RAB2A: variants seen among roughly 807,000 people sequenced by gnomAD.
RAB2A encodes the protein ras-related protein Rab-2A.
Under a neutral mutation model 32.5 loss-of-function variants are expected in RAB2A, and 7 were observed. That is an observed-to-expected ratio of 0.22 (90% CI 0.12 to 0.40). The LOEUF (loss-of-function observed/expected upper bound fraction) is 0.40, where lower values mean the gene tolerates loss of function less well. Among genes scored for constraint, RAB2A ranks in the 10% least tolerant of loss-of-function variants. The pLI is 1.00. For missense variants in RAB2A, 108 were observed against 260.7 expected (o/e 0.41, Z 4.03); for synonymous variants, 79 against 85.2 (o/e 0.93, Z 0.40).
chr8:60,557,775 T>C (rs946824676), intron 1 of RAB2A, among the ~76,000 whole-genome samples: 2 of 151,988 alleles, frequency 1.3e-5, no homozygotes, highest in African/African-American at 4.8e-5. Context: ...TCTCCCTATG[T>C]TGCCCAGGCT....
At chr8:60,557,705 A>G (rs765510630) in intron 1 of RAB2A, among the ~76,000 whole-genome samples, 5 of 151,114 alleles carry the variant, frequency 3.3e-5, no homozygotes, top group Non-Finnish European at 5.9e-5. Flanking sequence ...AACTGGAACT[A>G]CAGATGCGCA....
chr8:60,561,140 G>C (rs908877618), intron 2 of RAB2A, among the ~76,000 whole-genome samples: 1 of 152,180 alleles, frequency 6.6e-6, no homozygotes, highest in African/African-American at 2.4e-5. Flanking sequence ...CCTAGGGGTG[G>C]TAGCAGCTTC....
chr8:60,519,269 A>T (rs1015732560), intron 1 of RAB2A, among the ~76,000 whole-genome samples: 2 of 152,208 alleles, frequency 1.3e-5, no homozygotes, highest in African/African-American at 4.8e-5. Flanking sequence ...CACAATTTTT[A>T]GTTTGACCTT....
chr8:60,559,060 C>A, intron 2 of RAB2A, 137 bp downstream of exon 2: 1 of 613,770 alleles, frequency 1.6e-6, no homozygotes, highest in Non-Finnish European at 2.8e-6. Flanking sequence ...TAATCTCTGT[C>A]ACTTTTTTAA....
rs80120569 is a variant in RAB2A at position 60,604,072 on chromosome 8, C to T, written c.474+12103C>T. Among the ~76,000 whole-genome samples, 316 of 152,252 alleles carry T rather than the reference C, an allele frequency of 2.1e-3. 6 individuals are homozygous for T. In the East Asian group the frequency reaches 0.043, roughly 21 times the overall value. ...TTCTTATGAGTGGTTTAACACCATA[C>T]CGCTTGGTGCAGTTCTTGTGATAGT... On this transcript the variant is annotated intron_variant, in intron 6 of 7. Coordinates refer to ENST00000262646, the MANE Select transcript of RAB2A (RefSeq NM_002865.3).
In RAB2A at chr8:60,517,659, T is replaced by C. The variant is rs116934022; in HGVS notation, c.46+406T>C. ...GGGAAACCTAGGGGAGCAGAAGGTGTTGGGGCCCGGGTCTTGGTTCCTGAC... is the reference window on the plus strand; with the variant it reads ...GGGAAACCTAGGGGAGCAGAAGGTGCTGGGGCCCGGGTCTTGGTTCCTGAC... On this transcript the variant is annotated intron_variant, in intron 1 of 7. Transcript: ENST00000262646. Among the ~76,000 whole-genome samples, 788 of 152,210 alleles carry C rather than the reference T, an allele frequency of 5.2e-3. 16 individuals carry two copies. The South Asian group carries it at 0.059, about 11-fold the overall frequency.
At chr8:60,524,181 C>T (rs1289787622) in intron 1 of RAB2A, among the ~76,000 whole-genome samples, 2 of 152,142 alleles carry the variant, frequency 1.3e-5, no homozygotes, top group Non-Finnish European at 2.9e-5. Flanking sequence ...GGTGTTCTGT[C>T]CTTTCTGTCC....
intron 6 of RAB2A, among the ~76,000 whole-genome samples, chr8:60,592,346 C>T (rs1803956358): frequency 6.6e-6 from 1 of 152,046 alleles, no homozygotes; most frequent in African/African-American, 2.4e-5. Context: ...TCTCTGGGAA[C>T]CCACTGTACT....
intron 6 of RAB2A, among the ~76,000 whole-genome samples, chr8:60,611,861 CA>C (rs1804354148): frequency 6.6e-6 from 1 of 152,132 alleles, no homozygotes; most frequent in African/African-American, 2.4e-5. Context: ...TAAAATGCTG[CA>C]ATATTTATGA....
upstream of RAB2A, chr8:60,516,957 A>AGGCGGGGCGGAGGCGCCGC (rs1807212552): frequency 5.2e-6 from 2 of 383,750 alleles, no homozygotes; most frequent in Admixed American, 4.8e-5. Flanking sequence ...GTCGGCGCGG[A>AGGCGGGGCGGAGGCGCCGC]GGCGGGGCGG....
At chr8:60,595,753 A>C (rs1804011559) in intron 6 of RAB2A, among the ~76,000 whole-genome samples, 1 of 152,178 alleles carries the variant, frequency 6.6e-6, no homozygotes, top group Non-Finnish European at 1.5e-5. Context: ...GAAATAGAGA[A>C]ATTCACAATT....
chr8:60,558,318 C>T (rs2130830365), intron 1 of RAB2A: 1 of 442,596 alleles, frequency 2.3e-6, no homozygotes, highest in Non-Finnish European at 4.5e-6. Flanking sequence ...TCATTCATGA[C>T]CGTAACGGGG....
At chr8:60,591,120 TAAATATA>T (rs1399144070) in intron 5 of RAB2A, among the ~76,000 whole-genome samples, 2 of 88,328 alleles carry the variant, frequency 2.3e-5, no homozygotes, top group African/African-American at 1.5e-4. Flanking sequence ...TAAAAAGTAA[TAAATATA>T]ATAATAAAGT....
chr8:60,552,935 G>C (rs1195615375), intron 1 of RAB2A: 1 of 152,150 alleles, frequency 6.6e-6, no homozygotes, highest in Non-Finnish European at 1.5e-5. Context: ...AATAGAGCTG[G>C]GGGTCACGTT....
intron 6 of RAB2A, among the ~76,000 whole-genome samples, chr8:60,599,479 C>A (rs1804093578): frequency 6.6e-6 from 1 of 152,046 alleles, no homozygotes; most frequent in Non-Finnish European, 1.5e-5. Flanking sequence ...AAGTAGCTGA[C>A]ACAGCTTAGC....
intron 1 of RAB2A, among the ~76,000 whole-genome samples, chr8:60,550,393 T>C (rs1455394181): frequency 6.6e-6 from 1 of 151,610 alleles, no homozygotes; most frequent in Non-Finnish European, 1.5e-5. Context: ...TTTTTGTCTT[T>C]TTTTTTTTTG....
chr8:60,596,979 A>G (rs375432538), intron 6 of RAB2A, among the ~76,000 whole-genome samples: 5 of 152,216 alleles, frequency 3.3e-5, no homozygotes, highest in African/African-American at 1.2e-4. Context: ...AAATAGGAAC[A>G]CTTTTACATT....
chr8:60,594,399 T>C (rs1406522780), intron 6 of RAB2A, among the ~76,000 whole-genome samples: 1 of 152,046 alleles, frequency 6.6e-6, no homozygotes, highest in Non-Finnish European at 1.5e-5. Flanking sequence ...ACCCTACGTA[T>C]AGGGGAAAAA....
At chr8:60,607,275 A>G (rs1804249082) in intron 6 of RAB2A, among the ~76,000 whole-genome samples, 1 of 151,236 alleles carries the variant, frequency 6.6e-6, no homozygotes, top group Non-Finnish European at 1.5e-5. Flanking sequence ...TAAAAATACA[A>G]AAAATTAGCC....
Sources: gnomAD v4.1 joint callset for allele counts (sites outside exome capture counted in the v4.1 genomes callset) on GRCh38, gnomAD v4.1.1 for gene constraint, MANE v1.5 for transcripts, NCBI Gene and HGNC (gene_info 2026-07-23, HGNC 2026-07-21) for gene names.